MYH3: variants seen among roughly 807,000 people sequenced by gnomAD.
MYH3 encodes the protein myosin heavy chain 3, also known as myosin-3.
In MYH3, 130 loss-of-function variants were observed where a neutral mutation model predicts 238.0. That is an observed-to-expected ratio of 0.55 (90% confidence interval 0.47 to 0.63). MYH3 has a LOEUF of 0.63. Ranked by LOEUF, MYH3 falls within the 30% of genes least tolerant of loss-of-function variation. The pLI is 0.00. For synonymous variants in MYH3, 880 were observed against 924.1 expected (o/e 0.95, Z 0.86); for missense variants, 1,853 against 2,374.9 (o/e 0.78, Z 4.57).
intron 10 of MYH3, 43 bp from the exon 11 acceptor site, chr17:10,646,075 A>G: frequency 6.4e-7 from 1 of 1,553,588 alleles, no homozygotes; most frequent in South Asian, 1.1e-5. Context: ...AGATGCAAAG[A>G]AAAAACCCAC....
In MYH3 at chr17:10,631,155, A is replaced by G. The variant is rs141419201; in HGVS notation, c.5286+456T>C. Among the ~76,000 whole-genome samples the G allele has an allele frequency of 2.9e-4, 44 of 152,332 alleles. No homozygotes were observed. The East Asian group carries it at 6.9e-3, about 24-fold the overall frequency. The stretch of plus-strand genomic sequence containing the variant: ...TACTCAGCCTCATAGATTTGGGGAT[A>G]GTGAGATTAAGGGAAGGCCTCTGGA... On this transcript the variant is annotated intron_variant, in intron 36 of 40. Coordinates refer to ENST00000583535, the MANE Select transcript of MYH3 (RefSeq NM_002470.4).
chr17:10,646,519 T>C (rs1257643782), intron 10 of MYH3, among the ~76,000 whole-genome samples: 4 of 152,298 alleles, frequency 2.6e-5, no homozygotes, highest in Admixed American at 2.6e-4. Flanking sequence ...CAAGGGGCAG[T>C]GTGCAGTGCC....
intron 14 of MYH3, among the ~76,000 whole-genome samples, chr17:10,644,113 C>T (rs1417238471): frequency 2.6e-5 from 4 of 151,256 alleles, no homozygotes; most frequent in South Asian, 4.2e-4. Context: ...GCCGAGATGG[C>T]GCCACTGCAT....
At chr17:10,666,067 C>T in the MYH3 span, among the ~76,000 whole-genome samples, 2 of 152,092 alleles carry the variant, frequency 1.3e-5, no homozygotes, top group South Asian at 2.1e-4. Flanking sequence ...AAAATGAATC[C>T]GGATCCATAC....
chr17:10,644,217 A>G, intron 14 of MYH3, 134 bp downstream of exon 14: 1 of 942,408 alleles, frequency 1.1e-6, no homozygotes, highest in Admixed American at 1.9e-5. Flanking sequence ...CCGCTCCTCT[A>G]TTCCATCCAC....
At position 10,645,926 on chromosome 17, in the gene MYH3, T is replaced by G. The variant is rs770487547; in HGVS notation, c.1002+3A>C. 3.7e-6 allele frequency: 6 copies of G among 1,613,924 alleles called. No individual in the cohort carries two copies. Among genetic ancestry groups the G allele is most frequent in the Non-Finnish European group, 4.2e-6 (5 of 1,179,864 alleles). On this transcript the variant is annotated splice_donor_region_variant and intron_variant, in intron 11 of 40. Transcript: ENST00000583535. Reference sequence around the variant, plus strand: ...ACCCACCCCTTCTGTTGGTTCCACTTACGTCTGTAGCCAGCAGCTCCTCTG... The same window carrying G: ...ACCCACCCCTTCTGTTGGTTCCACTGACGTCTGTAGCCAGCAGCTCCTCTG...
In MYH3 at chr17:10,644,643, A is replaced by T; in HGVS notation, c.1201T>A (p.Cys401Ser). 1 of 1,614,174 alleles carries T rather than the reference A, an allele frequency of 6.2e-7. No homozygotes were observed. The highest frequency in any genetic ancestry group is 8.5e-7 in the Non-Finnish European group (1 of 1,180,038). ...LNSSDLLKAL[C>S]FPRVKVGNEY... ...TTCCCAACTTTCACTCTAGGAAAGC[A>T]CAAAGCTTTTAGGAGGTCCGAAGAG... The change falls in exon 13 of 41, where the codon TGC (cysteine) becomes AGC (serine). Residue 401 changes from cysteine (C) to serine (S), a missense_variant. Coordinates refer to ENST00000583535, the MANE Select transcript of MYH3 (RefSeq NM_002470.4).
chr17:10,628,974 G>A (rs1196014116), intron 40 of MYH3, among the ~76,000 whole-genome samples: 3 of 152,174 alleles, frequency 2.0e-5, no homozygotes, highest in Non-Finnish European at 2.9e-5. Context: ...CCAGCAGGGG[G>A]CGCATGAAAG....
chr17:10,656,693 C>CT lies in MYH3; in HGVS notation c.-67-546dup, dbSNP rs764466641. 3.3e-5 allele frequency among the ~76,000 whole-genome samples: 5 copies of CT among 152,342 alleles called. No homozygotes were observed. In the East Asian group the frequency reaches 7.7e-4, roughly 24 times the overall value. On this transcript the variant is annotated intron_variant, in intron 1 of 40. Coordinates refer to ENST00000583535, the MANE Select transcript of MYH3 (RefSeq NM_002470.4). ...TTCTCTCAGCCTGCACTGGCACCTT[C>CT]TTCAGTCTTCCTCACTCCCATTTAG...
At position 10,644,585 on chromosome 17, in the gene MYH3, T is replaced by C. The variant is rs1277847755; in HGVS notation, c.1259A>G (p.Gln420Arg). ...CTTTCCCGGCCTTGAAGCTGTTACC[T>C]GATCCACAGTTTGACCTTTGGTAAC... ...EYVTKGQTVD[Q>R]VHHAVNALSK... Residue 420 changes from glutamine (Q) to arginine (R), a missense_variant and splice_region_variant, in exon 13 of 41, where the codon CAG (glutamine) becomes CGG (arginine). Gln to Arg is a conservative substitution (Grantham distance 43). Coordinates refer to ENST00000583535, the MANE Select transcript of MYH3 (RefSeq NM_002470.4). The C allele has an allele frequency of 6.2e-7, 1 of 1,613,912 alleles. No homozygotes were observed. The highest frequency in any genetic ancestry group is 1.1e-5 in the South Asian group (1 of 91,082).
At chr17:10,660,318 T>A (rs138606583), upstream of MYH3, among the ~76,000 whole-genome samples, 3 of 152,342 alleles carry the variant, frequency 2.0e-5, no homozygotes, top group East Asian at 5.8e-4. Flanking sequence ...GAACCCTGAG[T>A]AAATTACACT....
chr17:10,658,396 C>T (rs913820064), upstream of MYH3: 1 of 152,214 alleles, frequency 6.6e-6, no homozygotes, highest in Admixed American at 6.6e-5. Context: ...GAAGTGGAGG[C>T]CACTCCATGA....
chr17:10,676,545 ACTTTTTGAAT>A, the MYH3 span: 1 of 152,144 alleles, frequency 6.6e-6, no homozygotes, highest in Non-Finnish European at 1.5e-5. Flanking sequence ...TAACTATTCT[ACTTTTTGAAT>A]AAGTTTCCAA....
chr17:10,631,609 A>G lies in MYH3; in HGVS notation c.5286+2T>C, dbSNP rs759615499. On this transcript the variant is annotated splice_donor_variant, in intron 36 of 40. Coordinates refer to ENST00000583535, the MANE Select transcript of MYH3 (RefSeq NM_002470.4). LOFTEE classifies it high-confidence loss of function. ...GAGGGCAGCAGGAAGGAGACGCCTT[A>G]CGTCCGTGATGGCCTTCTTGGCCTT... 1 of 1,614,200 alleles carries G rather than the reference A, an allele frequency of 6.2e-7. No individual in the cohort carries two copies. Among genetic ancestry groups the G allele is most frequent in the Non-Finnish European group, 8.5e-7 (1 of 1,180,028 alleles).
In MYH3 at chr17:10,652,552, G is replaced by C; in HGVS notation, c.216C>G (p.Val72=). 6.5e-7 allele frequency: 1 copy of C among 1,528,786 alleles called. No individual in the cohort carries two copies. The highest frequency in any genetic ancestry group is 8.8e-7 in the Non-Finnish European group (1 of 1,130,188). The allele number at this position is 1,528,786 out of a possible 1,614,324, so 94.7% of individuals were successfully genotyped here. The change falls in exon 4 of 41, where the codon GTC becomes GTG. Residue 72 remains valine (V), a synonymous_variant. Transcript: ENST00000583535. ...VETEDNRTLV[V]KPEDVYAMNP... ...TCATGGCGTACACATCCTCTGGTTT[G>C]ACCACCAGGGTCTAAAAAGGAAGAG...
chr17:10,643,182 G>T (rs905318691), intron 14 of MYH3, among the ~76,000 whole-genome samples, 186 bp from the exon 15 acceptor site: 1 of 152,086 alleles, frequency 6.6e-6, no homozygotes, highest in South Asian at 2.1e-4. Context: ...CTTCCAATTA[G>T]AAGGTGTTTC....
chr17:10,664,220 G>A, the MYH3 span, among the ~76,000 whole-genome samples: 31,692 of 151,924 alleles, frequency 0.21, 3,524 homozygotes, highest in Non-Finnish European at 0.25. Flanking sequence ...GCACATTTTC[G>A]TCTCTGCTCT....
intron 38 of MYH3, 60 bp downstream of exon 38, chr17:10,630,032 G>A (rs935563916): frequency 6.2e-7 from 1 of 1,605,426 alleles, no homozygotes; most frequent in Non-Finnish European, 8.5e-7. Context: ...TCTTCCTGTG[G>A]TTTGATGGAG....
Position 10,634,112 on chromosome 17 carries a change from C to T in MYH3, c.4427G>A (p.Arg1476His), listed in dbSNP as rs757688078. 9 of 1,614,124 alleles carry T rather than the reference C, an allele frequency of 5.6e-6. No homozygotes were observed. The South Asian group carries it at 7.7e-5, about 14-fold the overall frequency. ...AELEASLKES[R>H]SLSTELFKLK... ...TTTGAAGAGCTCAGTGCTCAAGGAGCGGGACTCCTTCAGGGATGCCTCCAG... is the reference window on the plus strand; with the variant it reads ...TTTGAAGAGCTCAGTGCTCAAGGAGTGGGACTCCTTCAGGGATGCCTCCAG... Residue 1476 changes from arginine to histidine, a missense_variant, in exon 32 of 41, where the codon CGC becomes CAC. Physicochemically the swap from Arg to His is conservative, Grantham distance 29. Coordinates refer to ENST00000583535, the MANE Select transcript of MYH3 (RefSeq NM_002470.4).
Sources: allele counts gnomAD v4.1 joint callset (sites outside exome capture counted in the v4.1 genomes callset), GRCh38; gene constraint gnomAD v4.1.1; transcripts MANE v1.5; gene names NCBI Gene and HGNC (gene_info 2026-07-23, HGNC 2026-07-21).